The following ART3 variants were observed in gnomAD, a reference collection of about 807,000 sequenced individuals.
The protein encoded by ART3 is ADP-ribosyltransferase 3 (inactive).
A neutral mutation model predicts 48.5 loss-of-function variants in ART3; 49 were observed. The ratio of observed to expected loss-of-function variants is 1.01; its 90% CI spans 0.80 to 1.28. The LOEUF (loss-of-function observed/expected upper bound fraction) is 1.28, where lower values mean the gene tolerates loss of function less well. Ranked by LOEUF, ART3 falls within the 50% of genes most tolerant of loss-of-function variation. ART3 has a pLI of 0.00. For missense variants in ART3, 438 were observed against 454.3 expected, an observed-to-expected ratio of 0.96 and a Z score of 0.33; for synonymous variants, 145 against 157.2, an observed-to-expected ratio of 0.92 and a Z score of 0.58.
chr4:76,038,994 A>T (rs1734702470), intron 1 of ART3, among the ~76,000 whole-genome samples: 1 of 152,092 alleles, frequency 6.6e-6, no homozygotes, highest in Non-Finnish European at 1.5e-5. Context: ...AAGTGCTGGG[A>T]TTACAGGCGT....
intron 1 of ART3, among the ~76,000 whole-genome samples, chr4:76,065,210 AAAAC>A (rs1401394107): frequency 1.3e-5 from 2 of 152,216 alleles, no homozygotes; most frequent in Non-Finnish European, 1.5e-5. Context: ...ACAAAGTTCA[AAAAC>A]AAACAATTAC....
intron 3 of ART3, among the ~76,000 whole-genome samples, chr4:76,089,134 G>T (rs1259716529): frequency 6.6e-6 from 1 of 152,176 alleles, no homozygotes; most frequent in Non-Finnish European, 1.5e-5. Flanking sequence ...CTAATGGGAT[G>T]TGTTTGCTTT....
intron 1 of ART3, among the ~76,000 whole-genome samples, chr4:76,052,755 T>C (rs6532153): frequency 0.58 from 85,078 of 146,514 alleles, 25,682 homozygotes; most frequent in East Asian, 0.94. Flanking sequence ...TGCTCTGTCA[T>C]CCAGGCTGGA....
intron 1 of ART3, among the ~76,000 whole-genome samples, chr4:76,040,454 A>ACACG (rs1734857798): frequency 6.9e-6 from 1 of 145,314 alleles, no homozygotes; most frequent in African/African-American, 2.6e-5. Context: ...ACACACACAC[A>ACACG]CACACACACA....
chr4:76,066,740 C>A (rs1291525073), intron 1 of ART3, among the ~76,000 whole-genome samples: 1 of 152,242 alleles, frequency 6.6e-6, no homozygotes, highest in East Asian at 1.9e-4. Context: ...TGGGCCCCAG[C>A]CTTCAGGCCC....
chr4:76,106,236 C>G (rs1257359409), intron 10 of ART3: 2 of 985,282 alleles, frequency 2.0e-6, no homozygotes, highest in Non-Finnish European at 1.2e-6. Context: ...TTATCCACTT[C>G]TATCCTGGGC....
intron 1 of ART3, chr4:76,035,052 T>A (rs1560585900): frequency 6.2e-7 from 1 of 1,612,648 alleles, no homozygotes; most frequent in East Asian, 2.2e-5. Context: ...CTTACTTTGA[T>A]TATAAGCCTT....
chr4:76,027,930 T>C (rs4859594), intron 1 of ART3, among the ~76,000 whole-genome samples: 91,935 of 150,808 alleles, frequency 0.61, 29,050 homozygotes, highest in East Asian at 0.94. Flanking sequence ...TCAGATAGAC[T>C]AAGATGAAAA....
Position 76,075,911 on chromosome 4 carries a change from ATAG to A in ART3, c.24_26del (p.Val9del). The A allele has an allele frequency of 6.2e-7, 1 of 1,613,208 alleles. No individual in the cohort carries two copies. On this transcript the variant is annotated inframe_deletion, in exon 2 of 12. Transcript: ENST00000355810. ...AAAAATGAAGACGGGACATTTTGAA[ATAG>A]TCACCATGCTGCTGGCAACCATGAT...
At chr4:76,023,483 A>G (rs926332248) in intron 1 of ART3, 2 of 1,509,926 alleles carry the variant, frequency 1.3e-6, no homozygotes, top group African/African-American at 1.4e-5. Flanking sequence ...TGTCTAAGCA[A>G]TTGAGGAATG....
At chr4:76,054,415 T>A (rs934417225) in intron 1 of ART3, among the ~76,000 whole-genome samples, 4 of 137,636 alleles carry the variant, frequency 2.9e-5, no homozygotes, top group Non-Finnish European at 4.6e-5. Flanking sequence ...ATAGATATAG[T>A]TGAGAGTGCG....
intron 3 of ART3, among the ~76,000 whole-genome samples, chr4:76,096,670 T>C (rs1190235644): frequency 6.6e-6 from 1 of 152,218 alleles, no homozygotes; most frequent in Non-Finnish European, 1.5e-5. Flanking sequence ...AGATTCCCCT[T>C]TCTGTCAAGT....
At chr4:76,023,855 A>T (rs1171233095) in intron 1 of ART3, among the ~76,000 whole-genome samples, 3 of 152,218 alleles carry the variant, frequency 2.0e-5, no homozygotes, top group African/African-American at 7.2e-5. Flanking sequence ...ATTTTTCAAA[A>T]TATCCCCAGT....
intron 1 of ART3, among the ~76,000 whole-genome samples, chr4:76,016,443 G>T (rs1732263523): frequency 1.3e-5 from 2 of 152,260 alleles, no homozygotes. Flanking sequence ...TCTGTGCTGA[G>T]CTGCTTGGGG....
At chr4:76,056,393 G>A (rs1423700673) in intron 1 of ART3, among the ~76,000 whole-genome samples, 3 of 152,172 alleles carry the variant, frequency 2.0e-5, no homozygotes, top group Non-Finnish European at 4.4e-5. Flanking sequence ...TGCAGAGCCC[G>A]AAACTGAGTC....
chr4:76,051,916 T>C (rs953348510), intron 1 of ART3, among the ~76,000 whole-genome samples: 11 of 146,662 alleles, frequency 7.5e-5, no homozygotes, highest in African/African-American at 2.8e-4. Flanking sequence ...TTTTTTTTTT[T>C]TTTTGAGACA....
At chr4:76,035,302 G>A in intron 1 of ART3, 1 of 1,613,986 alleles carries the variant, frequency 6.2e-7, no homozygotes, top group South Asian at 1.1e-5. Flanking sequence ...TTACCCCAGG[G>A]CCTATGCAAA....
rs569022873 is a variant in ART3, at chr4:76,112,775, A to G, written c.*256A>G. The G allele has an allele frequency of 6.1e-6, 2 of 330,476 alleles. No homozygotes were observed. Among genetic ancestry groups the G allele is most frequent in the Non-Finnish European group, 1.1e-5 (2 of 184,200 alleles). The allele number at this position is 330,476 out of a possible 1,614,324, so 20.5% of individuals were successfully genotyped here. ...TACTTCTGATTAAATTCAATAAAAG[A>G]TTTTGATTAGATATTTCAGAATTGC... On this transcript the variant is annotated 3_prime_UTR_variant, in exon 12 of 12. Coordinates refer to ENST00000355810, the MANE Select transcript of ART3 (RefSeq NM_001130016.3).
upstream of ART3, among the ~76,000 whole-genome samples, chr4:76,069,996 T>C (rs1425829004): frequency 6.6e-6 from 1 of 152,122 alleles, no homozygotes; most frequent in African/African-American, 2.4e-5. Context: ...AGTAACCCTA[T>C]GTTTAACATT....
Sources: gnomAD v4.1 joint callset for allele counts (sites outside exome capture counted in the v4.1 genomes callset) on GRCh38, gnomAD v4.1.1 for gene constraint, MANE v1.5 for transcripts, NCBI Gene and HGNC (gene_info 2026-07-23, HGNC 2026-07-21) for gene names.